The following CTNNA1 variants were observed in gnomAD, a reference collection of about 807,000 sequenced individuals.
The protein encoded by CTNNA1 is catenin alpha 1.
A neutral mutation model predicts 98.4 loss-of-function variants in CTNNA1; 37 were observed. That is an observed-to-expected ratio of 0.38 (90% confidence interval 0.29 to 0.49). The LOEUF (loss-of-function observed/expected upper bound fraction) is 0.49. Ranked by LOEUF, CTNNA1 falls within the 20% of genes least tolerant of loss-of-function variation. The pLI is 0.95. For synonymous variants in CTNNA1, 404 were observed against 413.2 expected, an observed-to-expected ratio of 0.98 and a Z score of 0.27; for missense variants, 761 against 1,147.2, an observed-to-expected ratio of 0.66 and a Z score of 4.86.
intron 7 of CTNNA1, among the ~76,000 whole-genome samples, chr5:138,868,182 G>C (rs1473073950): frequency 6.6e-6 from 1 of 152,176 alleles, no homozygotes; most frequent in South Asian, 2.1e-4. Flanking sequence ...AATATGGACT[G>C]ACCGTTTATG....
At chr5:138,867,875 C>T (rs1272553338) in intron 7 of CTNNA1, among the ~76,000 whole-genome samples, 2 of 152,034 alleles carry the variant, frequency 1.3e-5, no homozygotes, top group African/African-American at 2.4e-5. Context: ...CCTCAGCCTC[C>T]CGAGTAGCTG....
chr5:138,789,515 T>A (rs994211605), intron 3 of CTNNA1, among the ~76,000 whole-genome samples: 5 of 152,124 alleles, frequency 3.3e-5, no homozygotes, highest in African/African-American at 1.2e-4. Flanking sequence ...CGGAATGCAG[T>A]GGTGGTATCT....
Position 138,873,016 on chromosome 5 carries a change from T to C in CTNNA1, c.1063-13196T>C, listed in dbSNP as rs1385568048. On this transcript the variant is annotated intron_variant, in intron 7 of 17. Transcript: ENST00000302763. This position sits in a 1 kb window ranked among gnomAD's most constrained non-coding sequence, Gnocchi z 6.1. ...TTTTGATGATGGGTAGATATTATACTTCACATTCTTTGTATGGCAGCTGCT... is the reference window on the plus strand; with the variant it reads ...TTTTGATGATGGGTAGATATTATACCTCACATTCTTTGTATGGCAGCTGCT... 4.4e-6 allele frequency: 7 copies of C among 1,603,310 alleles called. No homozygotes were observed. Among genetic ancestry groups the C allele is most frequent in the Non-Finnish European group, 6.0e-6 (7 of 1,173,710 alleles).
chr5:138,891,053 G>A (rs531590652), intron 9 of CTNNA1: 1 of 152,348 alleles, frequency 6.6e-6, no homozygotes, highest in East Asian at 1.9e-4. Context: ...TGTTTCTGCA[G>A]CTTTTTGTCG....
At chr5:138,758,831 G>A (rs932306537) in intron 1 of CTNNA1, among the ~76,000 whole-genome samples, 26 of 150,878 alleles carry the variant, frequency 1.7e-4, no homozygotes, top group African/African-American at 5.6e-4. Context: ...TTTTGAGATG[G>A]AGTTTTGCTC....
intron 1 of CTNNA1, 169 bp downstream of exon 1, chr5:138,753,679 C>T (rs1034355011): frequency 6.0e-6 from 2 of 335,438 alleles, no homozygotes; most frequent in East Asian, 4.4e-5. Context: ...GGGCGTGGGA[C>T]CCGCGTCGGG....
In CTNNA1 at chr5:138,907,969, C is replaced by CTTT. The variant is rs199581293; in HGVS notation, c.1389+3536_1389+3538dup. 2.7e-5 allele frequency among the ~76,000 whole-genome samples: 4 copies of CTTT among 149,166 alleles called. No homozygotes were observed. The East Asian group carries it at 5.9e-4, about 22-fold the overall frequency. ...TTCATCCCCATGCCCCCCATCCGCC[C>CTTT]TTTTTTTTTTCTTCTTCTTCTTCTT... is the stretch of plus-strand genomic sequence containing the variant. On this transcript the variant is annotated intron_variant, in intron 10 of 17. Transcript: ENST00000302763.
chr5:138,827,637 T>C lies in CTNNA1; in HGVS notation c.981T>C (p.Asp327=). 1 of 1,614,226 alleles carries C rather than the reference T, an allele frequency of 6.2e-7. No individual in the cohort carries two copies. The highest frequency in any genetic ancestry group is 8.5e-7 in the Non-Finnish European group (1 of 1,180,040). The change falls in exon 7 of 18, where the codon GAT becomes GAC. Residue 327 remains aspartate, a synonymous_variant. Transcript: ENST00000302763. ...TGGCCGACTCGTCCTGCACGCGTGATGACCGTCGTGAGCGAATTGTGGCAG... is the reference window on the plus strand; with the variant it reads ...TGGCCGACTCGTCCTGCACGCGTGACGACCGTCGTGAGCGAATTGTGGCAG... ...ALMADSSCTR[D]DRRERIVAEC...
At chr5:138,901,771 A>G (rs1268687457) in intron 9 of CTNNA1, among the ~76,000 whole-genome samples, 1 of 152,284 alleles carries the variant, frequency 6.6e-6, no homozygotes, top group East Asian at 1.9e-4. Flanking sequence ...ACGTCATTCT[A>G]GAGCCCCAGA....
chr5:138,909,212 G>A (rs929889069), intron 10 of CTNNA1, among the ~76,000 whole-genome samples: 3 of 151,968 alleles, frequency 2.0e-5, no homozygotes, highest in South Asian at 2.1e-4. Context: ...TTACACATTC[G>A]TATTAACATT....
intron 11 of CTNNA1, among the ~76,000 whole-genome samples, chr5:138,918,426 C>T (rs956998011): frequency 2.6e-5 from 4 of 152,140 alleles, no homozygotes; most frequent in Non-Finnish European, 5.9e-5. Flanking sequence ...CAGAAATGAT[C>T]ATAGTCATAG....
At chr5:138,888,330 T>C (rs1446168511) in intron 9 of CTNNA1, among the ~76,000 whole-genome samples, 1 of 152,236 alleles carries the variant, frequency 6.6e-6, no homozygotes, top group Non-Finnish European at 1.5e-5. Flanking sequence ...CTTAATTTAT[T>C]CATTATTGCT....
intron 9 of CTNNA1, among the ~76,000 whole-genome samples, chr5:138,902,520 C>A (rs865786480): frequency 1.1e-4 from 17 of 152,184 alleles, no homozygotes; most frequent in African/African-American, 3.4e-4. Context: ...CTCAGGTTCA[C>A]GCCATTCTCC....
intron 5 of CTNNA1, among the ~76,000 whole-genome samples, chr5:138,822,100 T>C (rs1416187081): frequency 6.6e-6 from 1 of 152,192 alleles, no homozygotes. Flanking sequence ...CCTCATACTT[T>C]GTAAATAGGA....
chr5:138,774,834 CT>C (rs1179785171), intron 1 of CTNNA1, among the ~76,000 whole-genome samples: 1 of 152,090 alleles, frequency 6.6e-6, no homozygotes, highest in Admixed American at 6.5e-5. Context: ...TGGTCTTGAT[CT>C]CCTGACCTCG....
At chr5:138,803,293 A>G (rs535385387) in intron 3 of CTNNA1, among the ~76,000 whole-genome samples, 49 of 152,072 alleles carry the variant, frequency 3.2e-4, no homozygotes, top group African/African-American at 1.2e-3. Context: ...AGCTAAGACT[A>G]TAGGTGAATG....
chr5:138,797,278 A>G (rs886848013), intron 3 of CTNNA1, among the ~76,000 whole-genome samples: 1 of 152,232 alleles, frequency 6.6e-6, no homozygotes, highest in African/African-American at 2.4e-5. Context: ...AAAATAAACA[A>G]TAAACAATCA....
At chr5:138,753,546 C>T (rs1035005005) in intron 1 of CTNNA1, 36 bp downstream of exon 1, 2 of 374,570 alleles carry the variant, frequency 5.3e-6, no homozygotes, top group Non-Finnish European at 9.5e-6. Context: ...GGCGCGGTCT[C>T]TCGGGCCAGG....
At chr5:138,785,338 G>T (rs1238211293) in intron 3 of CTNNA1, among the ~76,000 whole-genome samples, 1 of 152,074 alleles carries the variant, frequency 6.6e-6, no homozygotes, top group African/African-American at 2.4e-5. Flanking sequence ...TGGGATTACA[G>T]GCGTGAGCCA....
Sources: allele counts gnomAD v4.1 joint callset (sites outside exome capture counted in the v4.1 genomes callset), GRCh38; gene constraint gnomAD v4.1.1; non-coding constraint Gnocchi (gnomAD v3.1); transcripts MANE v1.5; gene names NCBI Gene and HGNC (gene_info 2026-07-23, HGNC 2026-07-21).